GPC3: variants seen among roughly 807,000 people sequenced by gnomAD.
GPC3 encodes glypican 3, also known as glypican-3.
GPC3 carries 3 observed loss-of-function variants against 34.4 expected under a neutral mutation model. The ratio of observed to expected loss-of-function variants is 0.09; its 90% CI spans 0.04 to 0.23. GPC3 has a LOEUF of 0.23. Ranked by LOEUF, GPC3 falls within the 10% of genes least tolerant of loss-of-function variation. The probability of loss-of-function intolerance (pLI) is 1.00; values close to 1 mark genes in which losing one functional copy is unlikely to be tolerated. For missense variants in GPC3, 351 were observed against 445.6 expected (o/e 0.79, Z 1.91); for synonymous variants, 177 against 174.0 (o/e 1.02, Z -0.13).
At chrX:133,536,337 A>G in intron 7 of GPC3, 44 bp from the exon 8 acceptor site, 1 of 989,796 alleles carries the variant, frequency 1.0e-6, no homozygotes, top group Non-Finnish European at 1.4e-6. Flanking sequence ...GTCTACCCAT[A>G]GCCTCAGTAT....
intron 2 of GPC3, among the ~76,000 whole-genome samples, chrX:133,794,906 G>C (rs1469263633): frequency 8.9e-6 from 1 of 112,360 alleles, no homozygotes; most frequent in Non-Finnish European, 1.9e-5. Flanking sequence ...TTCTATCTGA[G>C]TCTATCAAAA....
intron 6 of GPC3, among the ~76,000 whole-genome samples, chrX:133,651,475 T>G (rs191685617): frequency 1.8e-5 from 2 of 111,862 alleles, no homozygotes; most frequent in East Asian, 5.7e-4. Context: ...GTGTGCTAAG[T>G]TGGATTTCCC....
At chrX:133,692,588 C>A (rs2071075549) in intron 4 of GPC3, 94 bp from the exon 5 acceptor site, 2 of 768,002 alleles carry the variant, frequency 2.6e-6, no homozygotes, top group Non-Finnish European at 4.0e-6. Context: ...AAAGGCTCTG[C>A]CAGGCTGATT....
At chrX:133,931,823 C>A (rs890501295) in intron 2 of GPC3, among the ~76,000 whole-genome samples, 1 of 111,550 alleles carries the variant, frequency 9.0e-6, no homozygotes, top group East Asian at 2.8e-4. Flanking sequence ...ATAGCAGAGC[C>A]ATGAATATAA....
rs140831581 is a variant in GPC3 at position 133,822,199 on chromosome X, A to G, written c.338-68023T>C. Among the ~76,000 whole-genome samples, 394 of 112,308 alleles carry G rather than the reference A, an allele frequency of 3.5e-3. 2 individuals carry two copies. The highest frequency in any genetic ancestry group is 0.012 in the African/African-American group (365 of 30,931). On this transcript the variant is annotated intron_variant, in intron 2 of 7. Transcript: ENST00000370818. Reference sequence around the variant, plus strand: ...TGGGATACGAATCATTCCTTTGCCCAGCATATCCACACTGTATATACTACT... The same window carrying G: ...TGGGATACGAATCATTCCTTTGCCCGGCATATCCACACTGTATATACTACT...
intron 2 of GPC3, among the ~76,000 whole-genome samples, chrX:133,759,161 T>C (rs1233227608): frequency 2.7e-5 from 3 of 112,240 alleles, no homozygotes; most frequent in Non-Finnish European, 3.8e-5. Context: ...TGTTTATGGA[T>C]AGAAAGACTC....
At chrX:133,856,290 G>A (rs1246001466) in intron 2 of GPC3, among the ~76,000 whole-genome samples, 1 of 110,797 alleles carries the variant, frequency 9.0e-6, no homozygotes, top group Admixed American at 9.6e-5. Flanking sequence ...GTTATCTCTT[G>A]TCTTTTTTAT....
intron 2 of GPC3, among the ~76,000 whole-genome samples, chrX:133,866,986 T>C (rs2284122): frequency 0.35 from 38,723 of 109,432 alleles, 6,807 homozygotes; most frequent in African/African-American, 0.68. Flanking sequence ...TCATTTGAGG[T>C]CAGGAGTTCG....
At chrX:133,856,590 A>C (rs1179086241) in intron 2 of GPC3, among the ~76,000 whole-genome samples, 1 of 111,011 alleles carries the variant, frequency 9.0e-6, no homozygotes, top group Non-Finnish European at 1.9e-5. Flanking sequence ...TGTAATTATA[A>C]AAAGGTATTA....
intron 6 of GPC3, among the ~76,000 whole-genome samples, chrX:133,641,347 G>A (rs867461030): frequency 3.9e-4 from 43 of 109,363 alleles, no homozygotes; most frequent in African/African-American, 1.2e-3. Flanking sequence ...GTGGTGACGC[G>A]CGCCTGTAAT....
At chrX:133,716,815 C>T (rs1266014893) in intron 3 of GPC3, among the ~76,000 whole-genome samples, 1 of 111,466 alleles carries the variant, frequency 9.0e-6, no homozygotes, top group Non-Finnish European at 1.9e-5. Flanking sequence ...AATATTAATC[C>T]ACACATCCAA....
intron 2 of GPC3, among the ~76,000 whole-genome samples, chrX:133,938,177 T>A (rs1022163481): frequency 8.9e-6 from 1 of 112,164 alleles, no homozygotes; most frequent in African/African-American, 3.2e-5. Flanking sequence ...ACTCACTATA[T>A]ACTAGGCACC....
At chrX:133,784,137 TA>T (rs747971602) in intron 2 of GPC3, among the ~76,000 whole-genome samples, 1 of 111,851 alleles carries the variant, frequency 8.9e-6, no homozygotes, top group South Asian at 3.8e-4. Flanking sequence ...ATTCCAAATT[TA>T]CAGCAAGTAA....
At chrX:133,667,848 C>T (rs899792682) in intron 5 of GPC3, among the ~76,000 whole-genome samples, 10 of 106,703 alleles carry the variant, frequency 9.4e-5, no homozygotes, top group Admixed American at 6.0e-4. Context: ...CAGAGTGAAA[C>T]CTTCTCTCTC....
At chrX:133,672,970 C>T (rs933966376) in intron 5 of GPC3, among the ~76,000 whole-genome samples, 1 of 101,738 alleles carries the variant, frequency 9.8e-6, no homozygotes, top group South Asian at 4.5e-4. Flanking sequence ...AAGATGGAGT[C>T]TTGCTCTGTT....
intron 2 of GPC3, among the ~76,000 whole-genome samples, chrX:133,883,666 C>T (rs776702284): frequency 2.2e-4 from 24 of 111,467 alleles, no homozygotes; most frequent in Non-Finnish European, 4.0e-4. Context: ...GTTCTAGAAT[C>T]TAGACACTCA....
intron 2 of GPC3, among the ~76,000 whole-genome samples, chrX:133,893,619 G>A (rs1366403395): frequency 1.8e-5 from 2 of 111,115 alleles, no homozygotes; most frequent in Non-Finnish European, 1.9e-5. Context: ...CTAGGTAGTA[G>A]CATTCTTACA....
chrX:133,711,484 C>A (rs1472973493), intron 3 of GPC3, among the ~76,000 whole-genome samples: 1 of 110,903 alleles, frequency 9.0e-6, no homozygotes, highest in African/African-American at 3.3e-5. Context: ...TTTAACAAGC[C>A]CTTCAGGGGG....
chrX:133,900,310 T>C (rs2076138772), intron 2 of GPC3, among the ~76,000 whole-genome samples: 1 of 112,488 alleles, frequency 8.9e-6, no homozygotes, highest in Non-Finnish European at 1.9e-5. Context: ...CAAATATTTA[T>C]TGATTGCCTG....
Sources: allele counts gnomAD v4.1 joint callset (sites outside exome capture counted in the v4.1 genomes callset), GRCh38; gene constraint gnomAD v4.1.1; transcripts MANE v1.5; gene names NCBI Gene and HGNC (gene_info 2026-07-23, HGNC 2026-07-21).